Variants in MPP3 observed in about 807,000 individuals in gnomAD.
MPP3 encodes MAGUK p55 scaffold protein 3.
A neutral mutation model predicts 80.7 loss-of-function variants in MPP3; 48 were observed. That is an observed-to-expected ratio of 0.59 (90% CI 0.47 to 0.76). The LOEUF (loss-of-function observed/expected upper bound fraction) is 0.76, where lower values mean the gene tolerates loss of function less well. MPP3 is among the 30% of genes least tolerant of loss of function. MPP3 has a pLI of 0.00. For missense variants in MPP3, 620 were observed against 763.0 expected (o/e 0.81, Z 2.21); for synonymous variants, 311 against 297.6 (o/e 1.04, Z -0.46).
At chr17:43,826,830 A>T (rs528168281) in intron 8 of MPP3, among the ~76,000 whole-genome samples, 3,090 of 137,622 alleles carry the variant, frequency 0.022, 57 homozygotes, top group East Asian at 0.073. Flanking sequence ...ATATATATAT[A>T]TTTTTTTTTT....
intron 16 of MPP3, 120 bp downstream of exon 16, chr17:43,813,891 G>T: frequency 1.2e-6 from 1 of 829,546 alleles, no homozygotes; most frequent in Non-Finnish European, 1.9e-6. Flanking sequence ...CCAATAGCAG[G>T]CAGTGCCTGG....
At chr17:43,809,645 C>T (rs1450379429) in intron 18 of MPP3, among the ~76,000 whole-genome samples, 18 of 151,966 alleles carry the variant, frequency 1.2e-4, no homozygotes, top group Admixed American at 1.1e-3. Flanking sequence ...TTTGGGAGGC[C>T]GAGCCGGGTG....
At chr17:43,804,263 C>T (rs1388992673) in intron 19 of MPP3, among the ~76,000 whole-genome samples, 2 of 152,146 alleles carry the variant, frequency 1.3e-5, no homozygotes, top group African/African-American at 4.8e-5. Flanking sequence ...ATAGCCAAAA[C>T]AAGCTTGAAA....
rs1219539399 is a variant in MPP3, at chr17:43,808,991, T to C, written c.1546A>G (p.Met516Val). 2 of 1,610,008 alleles carry C rather than the reference T, an allele frequency of 1.2e-6. No individual in the cohort carries two copies. The highest frequency in any genetic ancestry group is 1.3e-5 in the African/African-American group (1 of 74,430). ...AIQEKRKTPP[M>V]SPACEDTAAP... ...GCTGTGTCCTCACAAGCTGGGGACA[T>C]AGGTGGCGTTTTTCTTTTTTCCTGA... Residue 516 changes from methionine to valine, a missense_variant, in exon 19 of 20, where the codon ATG becomes GTG. Physicochemically the swap from Met to Val is conservative, Grantham distance 21 (BLOSUM62 1). Coordinates refer to ENST00000398389, the MANE Select transcript of MPP3 (RefSeq NM_001932.6).
At chr17:43,802,226 C>T (rs2044438689) in intron 19 of MPP3, among the ~76,000 whole-genome samples, 1 of 152,060 alleles carries the variant, frequency 6.6e-6, no homozygotes, top group South Asian at 2.1e-4. Context: ...GAAGTACTTC[C>T]AAAGAAGTAG....
intron 11 of MPP3, 98 bp from the exon 12 acceptor site, chr17:43,818,208 C>T (rs1490328831): frequency 1.8e-6 from 2 of 1,122,118 alleles, no homozygotes; most frequent in Non-Finnish European, 2.4e-6. Flanking sequence ...GGCCTGGATC[C>T]CACAGGTGGG....
intron 18 of MPP3, among the ~76,000 whole-genome samples, chr17:43,810,435 G>A (rs2044801760): frequency 6.6e-6 from 1 of 152,050 alleles, no homozygotes. Flanking sequence ...TGGGGAGGGG[G>A]AGGCCTGGCA....
intron 2 of MPP3, chr17:43,832,182 T>C (rs2143191964): frequency 1.9e-6 from 1 of 521,540 alleles, no homozygotes; most frequent in East Asian, 3.5e-5. Flanking sequence ...CTGCACAAAG[T>C]CCTGAGAAAT....
At chr17:43,808,009 C>A (rs554047047) in intron 19 of MPP3, among the ~76,000 whole-genome samples, 3 of 151,894 alleles carry the variant, frequency 2.0e-5, no homozygotes, top group African/African-American at 7.3e-5. Context: ...AATCCCAGCA[C>A]TTTGGGAGGC....
chr17:43,813,576 G>A (rs2044967146), intron 16 of MPP3, among the ~76,000 whole-genome samples: 1 of 152,128 alleles, frequency 6.6e-6, no homozygotes, highest in African/African-American at 2.4e-5. Flanking sequence ...ACTGGAATCT[G>A]GCTATAAGGG....
At position 43,816,712 on chromosome 17, in the gene MPP3, A is replaced by G; in HGVS notation, c.947-15T>C. On this transcript the variant is annotated splice_polypyrimidine_tract_variant and intron_variant, in intron 12 of 19. Coordinates refer to ENST00000398389, the MANE Select transcript of MPP3 (RefSeq NM_001932.6). ...AGGCTGATCATCTGCGGTTTGCACA[A>G]AAGACAGATGGAACAGCATTAGTGG... 1 of 1,572,910 alleles carries G rather than the reference A, an allele frequency of 6.4e-7. No individual in the cohort carries two copies. Among genetic ancestry groups the G allele is most frequent in the South Asian group, 1.2e-5 (1 of 85,320 alleles).
At chr17:43,804,476 C>G (rs1043229348) in intron 19 of MPP3, among the ~76,000 whole-genome samples, 1 of 152,168 alleles carries the variant, frequency 6.6e-6, no homozygotes, top group Non-Finnish European at 1.5e-5. Flanking sequence ...GCTGGGGTAA[C>G]TGGCTATCCA....
At chr17:43,812,733 C>T (rs2044925574) in intron 16 of MPP3, among the ~76,000 whole-genome samples, 1 of 152,180 alleles carries the variant, frequency 6.6e-6, no homozygotes, top group African/African-American at 2.4e-5. Flanking sequence ...ATCCAGGTAC[C>T]TCTTCTCCAG....
chr17:43,803,427 T>C (rs1295729940), intron 19 of MPP3, among the ~76,000 whole-genome samples: 1 of 152,176 alleles, frequency 6.6e-6, no homozygotes, highest in African/African-American at 2.4e-5. Flanking sequence ...CCTGTAACGA[T>C]GGAACTCGCC....
rs569240552 is a variant in MPP3, at chr17:43,827,939, A to T, written c.442-107T>A. 5.8e-6 allele frequency: 6 copies of T among 1,029,416 alleles called. No individual in the cohort carries two copies. The African/African-American group carries it at 7.8e-5, about 13-fold the overall frequency. The allele number at this position is 1,029,416 out of a possible 1,614,324, so 63.8% of individuals were successfully genotyped here. A position where few individuals can be genotyped will look rare whatever the true frequency, so the allele number is the denominator to read the frequency against. On this transcript the variant is annotated intron_variant, in intron 7 of 19. Transcript: ENST00000398389. ...CCCCAGTCCCTCCCTCTGACAGTCC[A>T]GAGAGATCAGTGGGGACCTTCCCAA...
Position 43,814,234 on chromosome 17 carries a change from G to A in MPP3, c.1137C>T (p.His379=). 2 of 1,613,682 alleles carry A rather than the reference G, an allele frequency of 1.2e-6. No homozygotes were observed. Among genetic ancestry groups the A allele is most frequent in the Non-Finnish European group, 1.7e-6 (2 of 1,179,996 alleles). ...LTYEEVARYQ[H]QPGERPRLVV... is the part of the protein sequence containing the mutation. ...CCAGGCGGGGCCGCTCTCCGGGCTG[G>A]TGTTGGTACCTGGCCACCTCTTCGT... Residue 379 remains histidine (H), a synonymous_variant, in exon 15 of 20, where the codon CAC becomes CAT. Coordinates refer to ENST00000398389, the MANE Select transcript of MPP3 (RefSeq NM_001932.6).
chr17:43,827,682 CA>C (rs1433667309), intron 8 of MPP3, 68 bp downstream of exon 8: 1 of 1,488,228 alleles, frequency 6.7e-7, no homozygotes, highest in Admixed American at 1.7e-5. Context: ...GACCTATTAG[CA>C]AAGGTGGAGG....
intron 9 of MPP3, 75 bp from the exon 10 acceptor site, chr17:43,824,080 C>A (rs1445607830): frequency 9.5e-7 from 1 of 1,050,808 alleles, no homozygotes; most frequent in Non-Finnish European, 1.4e-6. Flanking sequence ...ACTTCTCAGG[C>A]CTAAAAACTG....
chr17:43,805,642 T>C (rs546481337), intron 19 of MPP3, among the ~76,000 whole-genome samples: 5 of 152,192 alleles, frequency 3.3e-5, no homozygotes, highest in Non-Finnish European at 7.3e-5. Flanking sequence ...TATTGATACA[T>C]GAATGAACTT....
Sources: gnomAD v4.1 joint callset for allele counts (sites outside exome capture counted in the v4.1 genomes callset) on GRCh38, gnomAD v4.1.1 for gene constraint, MANE v1.5 for transcripts, NCBI Gene and HGNC (gene_info 2026-07-23, HGNC 2026-07-21) for gene names.